FAM107B: variants seen among roughly 807,000 people sequenced by gnomAD.
FAM107B encodes protein FAM107B.
FAM107B carries 21 observed loss-of-function variants against 31.5 expected under a neutral mutation model. That is an observed-to-expected ratio of 0.67 (90% confidence interval 0.47 to 0.96). The LOEUF (loss-of-function observed/expected upper bound fraction) is 0.96, where lower values mean the gene tolerates loss of function less well. Ranked by LOEUF, FAM107B falls within the 40% of genes least tolerant of loss-of-function variation. The probability of loss-of-function intolerance (pLI) is 0.00; values close to 1 mark genes in which losing one functional copy is unlikely to be tolerated. For missense variants in FAM107B, 452 were observed against 377.1 expected (o/e 1.20, Z -1.64); for synonymous variants, 157 against 141.5 (o/e 1.11, Z -0.78).
At chr10:14,608,124 T>A (rs1267880816) in intron 2 of FAM107B, among the ~76,000 whole-genome samples, 2 of 152,224 alleles carry the variant, frequency 1.3e-5, no homozygotes, top group African/African-American at 4.8e-5. Flanking sequence ...TTAAAATTGT[T>A]ACTTTACACC....
chr10:14,689,136 C>A (rs1194279417), intron 1 of FAM107B, among the ~76,000 whole-genome samples: 1 of 152,052 alleles, frequency 6.6e-6, no homozygotes, highest in Admixed American at 6.6e-5. Context: ...TGCGGTGGCT[C>A]ACACCTGTAA....
In FAM107B at chr10:14,530,388, T is replaced by C. The variant is rs1341309262; in HGVS notation, c.597A>G (p.Val199=). 3 of 1,613,290 alleles carry C rather than the reference T, an allele frequency of 1.9e-6. No individual in the cohort carries two copies. The highest frequency in any genetic ancestry group is 2.7e-5 in the African/African-American group (2 of 74,660). ...GATCTTGATGGTTCCGGGAGGTTTTTACAGGATTGATCAGTTTCTGAGGCC... is the reference window on the plus strand; with the variant it reads ...GATCTTGATGGTTCCGGGAGGTTTTCACAGGATTGATCAGTTTCTGAGGCC... The part of the protein sequence containing the change: ...LIRPQKLINP[V]KTSRNHQDLH... The change falls in exon 3 of 5, where the codon GTA becomes GTG. Residue 199 remains valine, a synonymous_variant. Transcript: ENST00000181796.
chr10:14,627,159 T>C (rs891831827), intron 2 of FAM107B, among the ~76,000 whole-genome samples: 3 of 152,192 alleles, frequency 2.0e-5, no homozygotes, highest in Non-Finnish European at 4.4e-5. Context: ...TAAATTACCA[T>C]GGTTTGAACA....
At chr10:14,565,493 T>C (rs959664280) in intron 2 of FAM107B, among the ~76,000 whole-genome samples, 3 of 151,954 alleles carry the variant, frequency 2.0e-5, no homozygotes, top group African/African-American at 4.8e-5. Flanking sequence ...AGTGCTGAAA[T>C]AGAGGACACT....
intron 2 of FAM107B, among the ~76,000 whole-genome samples, chr10:14,571,381 G>C (rs1851213103): frequency 6.6e-6 from 1 of 152,110 alleles, no homozygotes; most frequent in Non-Finnish European, 1.5e-5. Flanking sequence ...GATATCTTCA[G>C]AGAAAATGCA....
intron 2 of FAM107B, chr10:14,532,830 CA>C (rs1319190133): frequency 1.3e-5 from 2 of 152,270 alleles, no homozygotes; most frequent in East Asian, 3.9e-4. Flanking sequence ...ATGCCAAACC[CA>C]AACAGACAAC....
rs530250499 is a variant in FAM107B, at chr10:14,670,366, A to T, written c.412-2675T>A. Among the ~76,000 whole-genome samples the T allele has an allele frequency of 7.9e-5, 12 of 152,370 alleles. No individual in the cohort carries two copies. In the South Asian group the frequency reaches 2.5e-3, roughly 32 times the overall value. On this transcript the variant is annotated intron_variant, in intron 1 of 4. Transcript: ENST00000181796. ...TAATGAAAATTGCCTCCAAAATTAC[A>T]TATTTGAAGTGGGTATGAATTAATA...
chr10:14,596,799 A>C (rs1852202824), intron 2 of FAM107B, among the ~76,000 whole-genome samples: 1 of 152,124 alleles, frequency 6.6e-6, no homozygotes. Flanking sequence ...CACCTATCCT[A>C]AGGGGTGGCC....
intron 2 of FAM107B, among the ~76,000 whole-genome samples, chr10:14,580,883 T>A (rs1261088015): frequency 6.6e-6 from 1 of 152,206 alleles, no homozygotes; most frequent in East Asian, 1.9e-4. Flanking sequence ...CAGAGATCAT[T>A]TCCTTCTGTT....
At chr10:14,567,643 G>A (rs990445902) in intron 2 of FAM107B, among the ~76,000 whole-genome samples, 7 of 152,154 alleles carry the variant, frequency 4.6e-5, no homozygotes, top group African/African-American at 1.2e-4. Context: ...ATTCCAGTGC[G>A]TTGACAAGCG....
chr10:14,717,054 C>T (rs1855796539), intron 1 of FAM107B, among the ~76,000 whole-genome samples: 1 of 152,120 alleles, frequency 6.6e-6, no homozygotes, highest in Non-Finnish European at 1.5e-5. Context: ...AGCGCCACTG[C>T]ACTCCAGCCT....
intron 2 of FAM107B, among the ~76,000 whole-genome samples, chr10:14,631,658 C>T (rs1022171960): frequency 3.9e-5 from 6 of 152,144 alleles, no homozygotes; most frequent in African/African-American, 1.4e-4. Context: ...AAAATGACCC[C>T]TCTTTTTTCC....
chr10:14,761,297 A>T (rs1212836125), intron 1 of FAM107B, among the ~76,000 whole-genome samples: 1 of 152,218 alleles, frequency 6.6e-6, no homozygotes, highest in Non-Finnish European at 1.5e-5. Flanking sequence ...GTTGTTAGGC[A>T]AGAAGCCAGA....
intron 1 of FAM107B, among the ~76,000 whole-genome samples, chr10:14,752,896 T>C: frequency 6.6e-6 from 1 of 150,672 alleles, no homozygotes; most frequent in East Asian, 2.0e-4. Flanking sequence ...CACACCACTG[T>C]ACTCCAGCTT....
chr10:14,671,884 A>C (rs1482673179), intron 1 of FAM107B, among the ~76,000 whole-genome samples: 3 of 80,132 alleles, frequency 3.7e-5, no homozygotes, highest in African/African-American at 1.1e-4. Context: ...AAAAAAAAAA[A>C]CAAAAAAACA....
At chr10:14,671,145 C>G (rs1477161512) in intron 1 of FAM107B, among the ~76,000 whole-genome samples, 1 of 152,172 alleles carries the variant, frequency 6.6e-6, no homozygotes, top group Non-Finnish European at 1.5e-5. Flanking sequence ...TCCCCACCAT[C>G]CCACTCCAGG....
intron 2 of FAM107B, among the ~76,000 whole-genome samples, chr10:14,616,637 A>G (rs1852858415): frequency 6.6e-6 from 1 of 152,228 alleles, no homozygotes; most frequent in Non-Finnish European, 1.5e-5. Flanking sequence ...CGAGAGAGTA[A>G]GGAGGCTGGA....
intron 1 of FAM107B, among the ~76,000 whole-genome samples, chr10:14,690,254 C>T (rs994498207): frequency 6.6e-6 from 1 of 152,190 alleles, no homozygotes; most frequent in Non-Finnish European, 1.5e-5. Context: ...TCCACTGGCT[C>T]TCACCTTCAG....
chr10:14,751,176 C>T (rs900553135), intron 1 of FAM107B, among the ~76,000 whole-genome samples: 1 of 152,168 alleles, frequency 6.6e-6, no homozygotes, highest in Non-Finnish European at 1.5e-5. Context: ...CCCAGGGGAG[C>T]GGCGGAATCC....
Sources: gnomAD v4.1 joint callset for allele counts (sites outside exome capture counted in the v4.1 genomes callset) on GRCh38, gnomAD v4.1.1 for gene constraint, MANE v1.5 for transcripts, NCBI Gene and HGNC (gene_info 2026-07-23, HGNC 2026-07-21) for gene names.